Variants in ARHGAP42 observed in about 807,000 individuals in gnomAD.
The protein encoded by ARHGAP42 is Rho GTPase activating protein 42.
ARHGAP42 carries 63 observed loss-of-function variants against 125.0 expected under a neutral mutation model. That is an observed-to-expected ratio of 0.50 (90% CI 0.41 to 0.62). The LOEUF (loss-of-function observed/expected upper bound fraction) is 0.62. ARHGAP42 is among the 20% of genes least tolerant of loss of function. ARHGAP42 has a pLI of 0.00. For missense variants in ARHGAP42, 766 were observed against 1,024.2 expected (o/e 0.75, Z 3.44); for synonymous variants, 339 against 351.0 (o/e 0.97, Z 0.38).
intron 4 of ARHGAP42, among the ~76,000 whole-genome samples, chr11:100,866,854 A>G (rs1273641466): frequency 6.6e-6 from 1 of 152,142 alleles, no homozygotes; most frequent in Non-Finnish European, 1.5e-5. Context: ...GCCTTTTTTT[A>G]ATCATAAGAC....
intron 1 of ARHGAP42, among the ~76,000 whole-genome samples, chr11:100,712,127 C>A (rs373277734): frequency 2.6e-5 from 4 of 152,256 alleles, no homozygotes; most frequent in East Asian, 1.9e-4. Context: ...TCTAAAGGAA[C>A]CTTGAGTTTT....
intron 12 of ARHGAP42, among the ~76,000 whole-genome samples, chr11:100,954,705 G>C (rs1008594471): frequency 1.3e-5 from 2 of 151,940 alleles, no homozygotes; most frequent in Admixed American, 1.3e-4. Flanking sequence ...TTTTATCACA[G>C]AGGCCCAAGA....
intron 3 of ARHGAP42, among the ~76,000 whole-genome samples, chr11:100,824,175 G>C (rs75905263): frequency 6.6e-6 from 1 of 152,170 alleles, no homozygotes; most frequent in Non-Finnish European, 1.5e-5. Context: ...GCCTCTGGAA[G>C]TGAAACTGTA....
At chr11:100,977,729 G>T (rs1169107015) in intron 21 of ARHGAP42, among the ~76,000 whole-genome samples, 1 of 152,128 alleles carries the variant, frequency 6.6e-6, no homozygotes, top group Non-Finnish European at 1.5e-5. Flanking sequence ...CTTTGGAAAT[G>T]GGTAGTATAA....
At chr11:100,956,576 TG>T (rs1434213414) in intron 12 of ARHGAP42, among the ~76,000 whole-genome samples, 3 of 110,888 alleles carry the variant, frequency 2.7e-5, no homozygotes, top group Non-Finnish European at 5.5e-5. Flanking sequence ...TGACCAAGCC[TG>T]GCTTCAAGGG....
At chr11:100,925,606 TG>T (rs202228472) in intron 6 of ARHGAP42, among the ~76,000 whole-genome samples, 3,910 of 151,972 alleles carry the variant, frequency 0.026, 175 homozygotes, top group African/African-American at 0.088. Flanking sequence ...GGCGTGGTGG[TG>T]GGTGCCTGTA....
chr11:100,712,532 C>T (rs1205336396), intron 1 of ARHGAP42, among the ~76,000 whole-genome samples: 1 of 152,168 alleles, frequency 6.6e-6, no homozygotes, highest in East Asian at 1.9e-4. Context: ...CCCCCTTCTC[C>T]CCCCAGAAGT....
intron 17 of ARHGAP42, among the ~76,000 whole-genome samples, chr11:100,972,544 A>ATGGATGGC (rs1858276852): frequency 6.6e-6 from 1 of 152,050 alleles, no homozygotes; most frequent in African/African-American, 2.4e-5. Context: ...GGATGGATGG[A>ATGGATGGC]TGGAAAGAGG....
At chr11:100,898,538 A>T (rs997093551) in intron 4 of ARHGAP42, among the ~76,000 whole-genome samples, 1 of 152,164 alleles carries the variant, frequency 6.6e-6, no homozygotes, top group African/African-American at 2.4e-5. Flanking sequence ...TGGTCTATTC[A>T]GAGATTCATC....
intron 3 of ARHGAP42, among the ~76,000 whole-genome samples, chr11:100,796,768 C>CT (rs35175302): frequency 0.17 from 20,217 of 118,892 alleles, 1,939 homozygotes; most frequent in African/African-American, 0.26. Flanking sequence ...CTTTTTAATT[C>CT]TTTTTTTTTT....
intron 17 of ARHGAP42, among the ~76,000 whole-genome samples, chr11:100,967,520 C>T (rs1184753842): frequency 6.6e-6 from 1 of 152,014 alleles, no homozygotes; most frequent in East Asian, 1.9e-4. Context: ...TTAAATTTGC[C>T]AATCGATGTT....
rs781210540 is a variant in ARHGAP42 at position 100,945,953 on chromosome 11, G to A, written c.1043+2085G>A. Reference sequence around the variant, plus strand: ...CTTTCTATTTGTGGAAGTCTTAAATGAGGGCATCTTCCAACAGAAGGCTAT... The same window carrying A: ...CTTTCTATTTGTGGAAGTCTTAAATAAGGGCATCTTCCAACAGAAGGCTAT... On this transcript the variant is annotated intron_variant, in intron 10 of 23. Transcript: ENST00000298815. 9.5e-4 allele frequency among the ~76,000 whole-genome samples: 145 copies of A among 152,078 alleles called. 1 individual carries two copies. The highest frequency in any genetic ancestry group is 2.1e-4 in the Non-Finnish European group (14 of 68,012).
intron 1 of ARHGAP42, among the ~76,000 whole-genome samples, chr11:100,698,312 A>G (rs1565532381): frequency 6.6e-6 from 1 of 152,154 alleles, no homozygotes; most frequent in Non-Finnish European, 1.5e-5. Flanking sequence ...CCCTATAGAA[A>G]AAAAGAAAAT....
chr11:100,770,815 G>A (rs959931085), intron 2 of ARHGAP42, among the ~76,000 whole-genome samples: 2 of 152,206 alleles, frequency 1.3e-5, no homozygotes, highest in Non-Finnish European at 2.9e-5. Context: ...TTGACCTCAG[G>A]TGATCCACCC....
At position 100,808,395 on chromosome 11, in the gene ARHGAP42, CTTTTT is replaced by C. The variant is rs398045483; in HGVS notation, c.312+13246_312+13250del. On this transcript the variant is annotated intron_variant, in intron 3 of 23. Transcript: ENST00000298815. Reference sequence around the variant, plus strand: ...TTTTTGGGATAATTATAAATTCACTCTTTTTTTTTTTTTTTTTTTTTGAGACGGAG... The same window carrying C: ...TTTTTGGGATAATTATAAATTCACTCTTTTTTTTTTTTTTTTGAGACGGAG... Among the ~76,000 whole-genome samples, 5 of 118,776 alleles carry C rather than the reference CTTTTT, an allele frequency of 4.2e-5. No homozygotes were observed. In the East Asian group the frequency reaches 9.3e-4, roughly 22 times the overall value. 77.9% of individuals were successfully genotyped at this position (118,776 alleles called of 152,430 possible).
chr11:100,765,507 C>T (rs1255217160), intron 1 of ARHGAP42, among the ~76,000 whole-genome samples: 1 of 152,138 alleles, frequency 6.6e-6, no homozygotes, highest in Non-Finnish European at 1.5e-5. Flanking sequence ...GTGATGGCAT[C>T]TAGTTCTTGC....
Position 100,991,771 on chromosome 11 carries a change from G to A in ARHGAP42, c.*2970G>A, listed in dbSNP as rs989766874. On this transcript the variant is annotated 3_prime_UTR_variant, in exon 24 of 24. Transcript: ENST00000298815. The stretch of plus-strand genomic sequence containing the variant: ...TTGTTTGATGTGAGTGGTTTTGCTT[G>A]TTGCATGGGTTCCCTGTGCTTTGTA... 2.6e-5 allele frequency: 4 copies of A among 152,634 alleles called. No individual in the cohort carries two copies. The highest frequency in any genetic ancestry group is 9.6e-5 in the African/African-American group (4 of 41,558). The allele number at this position is 152,634 out of a possible 1,614,324, so 9.5% of individuals were successfully genotyped here. A position where few individuals can be genotyped will look rare whatever the true frequency, so the allele number is the denominator to read the frequency against.
intron 4 of ARHGAP42, among the ~76,000 whole-genome samples, chr11:100,878,008 A>G (rs1308726729): frequency 1.7e-5 from 2 of 114,698 alleles, no homozygotes; most frequent in African/African-American, 3.5e-5. Context: ...CTGTCCCAGA[A>G]AAAAAAAAAA....
At chr11:100,774,051 G>A (rs1402404945) in intron 2 of ARHGAP42, among the ~76,000 whole-genome samples, 2 of 152,198 alleles carry the variant, frequency 1.3e-5, no homozygotes, top group Non-Finnish European at 2.9e-5. Flanking sequence ...TAAAAATATA[G>A]ATATGTTTCA....
Sources: allele counts gnomAD v4.1 joint callset (sites outside exome capture counted in the v4.1 genomes callset), GRCh38; gene constraint gnomAD v4.1.1; transcripts MANE v1.5; gene names NCBI Gene and HGNC (gene_info 2026-07-23, HGNC 2026-07-21).